MLIP: variants seen among roughly 807,000 people sequenced by gnomAD.
MLIP encodes the protein muscular LMNA interacting protein, also known as muscular LMNA-interacting protein.
In MLIP, 79 loss-of-function variants were observed where a neutral mutation model predicts 84.8. The observed-to-expected ratio is 0.93, with a 90% CI of 0.78 to 1.12. The LOEUF is 1.12. MLIP is among the 50% of genes most tolerant of loss of function. The probability of loss-of-function intolerance (pLI) is 0.00; values close to 1 mark genes in which losing one functional copy is unlikely to be tolerated. For synonymous variants in MLIP, 504 were observed against 463.0 expected (o/e 1.09, Z -1.14); for missense variants, 1,257 against 1,160.6 (o/e 1.08, Z -1.21).
chr6:54,236,099 G>T (rs1562091381), intron 12 of MLIP, among the ~76,000 whole-genome samples: 1 of 152,040 alleles, frequency 6.6e-6, no homozygotes. Context: ...TGTCCCCTTT[G>T]CCATAGGGAA....
chr6:54,180,403 A>G (rs1002967933), intron 9 of MLIP, among the ~76,000 whole-genome samples: 1 of 152,114 alleles, frequency 6.6e-6, no homozygotes, highest in Non-Finnish European at 1.5e-5. Flanking sequence ...CTTTGAACAA[A>G]CTTTCTACTC....
chr6:54,116,061 G>T (rs1430715229), intron 1 of MLIP, among the ~76,000 whole-genome samples: 7 of 152,274 alleles, frequency 4.6e-5, no homozygotes, highest in Admixed American at 3.3e-4. Context: ...AATGTGCATA[G>T]CATACAGGAA....
chr6:54,246,838 G>T (rs996275141), intron 12 of MLIP, among the ~76,000 whole-genome samples: 3 of 152,086 alleles, frequency 2.0e-5, no homozygotes, highest in African/African-American at 7.2e-5. Flanking sequence ...CCCTTCCATT[G>T]CCTCCCATCA....
At chr6:54,027,633 C>A (rs1189946648) in intron 1 of MLIP, among the ~76,000 whole-genome samples, 1 of 152,122 alleles carries the variant, frequency 6.6e-6, no homozygotes, top group African/African-American at 2.4e-5. Flanking sequence ...TTTTCATTTT[C>A]TTTCTTACAT....
At chr6:54,019,599 A>G (rs752464888) in intron 1 of MLIP, among the ~76,000 whole-genome samples, 4 of 152,330 alleles carry the variant, frequency 2.6e-5, no homozygotes, top group East Asian at 1.9e-4. Flanking sequence ...TTAAATGTCA[A>G]TGATTAATAT....
intron 9 of MLIP, among the ~76,000 whole-genome samples, chr6:54,187,666 C>T (rs534977451): frequency 6.6e-6 from 1 of 152,058 alleles, no homozygotes; most frequent in South Asian, 2.1e-4. Context: ...AATATAAAAA[C>T]GAGTTTGAGA....
chr6:54,156,541 T>C (rs1774048424), intron 5 of MLIP, among the ~76,000 whole-genome samples: 1 of 152,150 alleles, frequency 6.6e-6, no homozygotes, highest in African/African-American at 2.4e-5. Context: ...CTAGCATTGA[T>C]TATATGCTCA....
Position 54,111,497 on chromosome 6 carries a change from GCTTCTGAGTGACTGCGGGAACAATTA to G in MLIP, c.23_48del (p.Leu8ProfsTer23). The G allele has an allele frequency of 6.5e-7, 1 of 1,535,996 alleles. No homozygotes were observed. Among genetic ancestry groups the G allele is most frequent in the South Asian group, 1.2e-5 (1 of 84,058 alleles). On this transcript the variant is annotated frameshift_variant, in exon 1 of 14. Transcript: ENST00000502396. LOFTEE classifies it high-confidence loss of function. The stretch of plus-strand genomic sequence containing the variant: ...ATGAATCAATGCTTTCAGAACAGGG[GCTTCTGAGTGACTGCGGGAACAATTA>G]CTTCCAAATGACCTCGTGCATCTTA...
chr6:54,190,561 A>C (rs1189751000), intron 10 of MLIP, among the ~76,000 whole-genome samples: 1 of 152,114 alleles, frequency 6.6e-6, no homozygotes, highest in African/African-American at 2.4e-5. Flanking sequence ...TCTTTGAACT[A>C]TTGCATATTT....
At position 54,241,293 on chromosome 6, in the gene MLIP, A is replaced by G. The variant is rs149907302; in HGVS notation, c.2922+10376A>G. ...AACACAACTGTTAAATTAAATATAT[A>G]TGGAGAGAGTGTATGTATATATACT... On this transcript the variant is annotated intron_variant, in intron 12 of 13. Coordinates refer to ENST00000502396, the MANE Select transcript of MLIP (RefSeq NM_001281747.2). Among the ~76,000 whole-genome samples the G allele has an allele frequency of 6.4e-3, 966 of 151,942 alleles. 7 individuals are homozygous for G. Among genetic ancestry groups the G allele is most frequent in the Non-Finnish European group, 0.01 (701 of 67,952 alleles).
chr6:54,219,054 A>G (rs1780036682), intron 11 of MLIP, among the ~76,000 whole-genome samples: 1 of 151,294 alleles, frequency 6.6e-6, no homozygotes, highest in African/African-American at 2.4e-5. Flanking sequence ...GTACAAAAAA[A>G]AATTAGCCGG....
At chr6:54,136,657 T>C (rs969447285) in intron 3 of MLIP, 58 bp from the exon 4 acceptor site, 2 of 1,366,762 alleles carry the variant, frequency 1.5e-6, no homozygotes, top group African/African-American at 2.9e-5. Context: ...GACAAGAATA[T>C]TTTGATCGTT....
At chr6:54,059,925 G>C in intron 1 of MLIP, among the ~76,000 whole-genome samples, 1 of 152,180 alleles carries the variant, frequency 6.6e-6, no homozygotes, top group Non-Finnish European at 1.5e-5. Context: ...AAAATATTTT[G>C]AGCCTTGATT....
At position 54,149,042 on chromosome 6, in the gene MLIP, G is replaced by A. The variant is rs560778311; in HGVS notation, c.2218-14G>A. 1.3e-5 allele frequency: 21 copies of A among 1,610,198 alleles called. No individual in the cohort carries two copies. Among genetic ancestry groups the A allele is most frequent in the Middle Eastern group, 3.3e-4 (2 of 6,032 alleles). ...TTTTCATCTCTACTCTTGCTTTCTG[G>A]TTGCCCATTCTAGCAATACAAGACC... On this transcript the variant is annotated splice_polypyrimidine_tract_variant and intron_variant, in intron 4 of 13. Transcript: ENST00000502396.
intron 3 of MLIP, among the ~76,000 whole-genome samples, chr6:54,131,357 T>C (rs1212604171): frequency 1.3e-5 from 2 of 152,196 alleles, no homozygotes; most frequent in African/African-American, 4.8e-5. Flanking sequence ...TTTGAGTCTC[T>C]AATTCCAAAG....
intron 11 of MLIP, among the ~76,000 whole-genome samples, chr6:54,205,141 GA>G (rs1778949308): frequency 6.6e-6 from 1 of 152,202 alleles, no homozygotes; most frequent in Non-Finnish European, 1.5e-5. Flanking sequence ...ACAATGGAGA[GA>G]TACCAAAACA....
At position 54,211,155 on chromosome 6, in the gene MLIP, G is replaced by A. The variant is rs559749569; in HGVS notation, c.2718+8922G>A. On this transcript the variant is annotated intron_variant, in intron 11 of 13. Transcript: ENST00000502396. Reference sequence around the variant, plus strand: ...CTCAGGAGTCTGAGGCAGGAGAATCGCTTGAGGTTACTGTGAGCCAAGATC... The same window carrying A: ...CTCAGGAGTCTGAGGCAGGAGAATCACTTGAGGTTACTGTGAGCCAAGATC... Among the ~76,000 whole-genome samples, 35 of 152,212 alleles carry A rather than the reference G, an allele frequency of 2.3e-4. 1 individual carries two copies. The highest frequency in any genetic ancestry group is 1.0e-3 in the South Asian group (5 of 4,826).
In MLIP at chr6:54,217,176, TCAGA is replaced by T; in HGVS notation, c.2719-13533_2719-13530del. The T allele has an allele frequency of 3.0e-6, 3 of 985,362 alleles. No homozygotes were observed. In the South Asian group the frequency reaches 1.4e-4, roughly 46 times the overall value. 61.0% of individuals were successfully genotyped at this position (985,362 alleles called of 1,614,324 possible). On this transcript the variant is annotated intron_variant, in intron 11 of 13. Transcript: ENST00000502396. ...CTGAGTTCACAAAGGTGTCTTGTAC[TCAGA>T]CAGAAAACCGCAGCGTGAAGAGGGG... is the stretch of plus-strand genomic sequence containing the variant.
At chr6:54,048,853 G>A (rs370581082) in intron 1 of MLIP, among the ~76,000 whole-genome samples, 2 of 152,072 alleles carry the variant, frequency 1.3e-5, no homozygotes, top group Non-Finnish European at 2.9e-5. Flanking sequence ...CCCCCTTGCT[G>A]AAATTTCTAA....
Sources: allele counts gnomAD v4.1 joint callset (sites outside exome capture counted in the v4.1 genomes callset), GRCh38; gene constraint gnomAD v4.1.1; transcripts MANE v1.5; gene names NCBI Gene and HGNC (gene_info 2026-07-23, HGNC 2026-07-21).